SSBP2: variants seen among roughly 807,000 people sequenced by gnomAD.
SSBP2 encodes the protein single stranded DNA binding protein 2.
In SSBP2, 17 loss-of-function variants were observed where a neutral mutation model predicts 61.8. The observed-to-expected ratio is 0.28, with a 90% CI of 0.19 to 0.41. The LOEUF (loss-of-function observed/expected upper bound fraction) is 0.41. SSBP2 is among the 10% of genes least tolerant of loss of function. SSBP2 has a pLI of 1.00. For synonymous variants in SSBP2, 139 were observed against 141.3 expected (o/e 0.98, Z 0.12); for missense variants, 310 against 458.7 (o/e 0.68, Z 2.96).
chr5:81,513,854 A>T, intron 4 of SSBP2, 137 bp from the exon 5 acceptor site: 1 of 563,370 alleles, frequency 1.8e-6, no homozygotes, highest in Non-Finnish European at 3.2e-6. Context: ...CCATCCTAGA[A>T]GTAAACTGAG....
chr5:81,607,614 T>C (rs182460691), intron 4 of SSBP2, among the ~76,000 whole-genome samples: 1 of 152,194 alleles, frequency 6.6e-6, no homozygotes, highest in East Asian at 1.9e-4. Flanking sequence ...AATCTAAGTT[T>C]CCAAAACTTC....
intron 4 of SSBP2, among the ~76,000 whole-genome samples, chr5:81,582,888 T>G (rs1774767944): frequency 1.3e-5 from 2 of 152,088 alleles, no homozygotes; most frequent in Admixed American, 1.3e-4. Flanking sequence ...CAACCGCACC[T>G]GGCCTTACTG....
intron 10 of SSBP2, among the ~76,000 whole-genome samples, chr5:81,458,570 A>G (rs974486221): frequency 6.6e-6 from 1 of 152,222 alleles, no homozygotes; most frequent in African/African-American, 2.4e-5. Context: ...AAAATAGTAA[A>G]CAAAACATAT....
rs563864732 is a variant in SSBP2 at position 81,444,380 on chromosome 5, C to T, written c.779-1657G>A. On this transcript the variant is annotated intron_variant, in intron 12 of 16. Transcript: ENST00000320672. ...ATTCTACTCACTATCGAAGGGCTAT[C>T]TCAAATGTTATGTCTTCCATGAGGT... 2.0e-5 allele frequency among the ~76,000 whole-genome samples: 3 copies of T among 152,316 alleles called. No individual in the cohort carries two copies. In the East Asian group the frequency reaches 5.8e-4, roughly 29 times the overall value.
chr5:81,464,758 G>A lies in SSBP2; in HGVS notation c.638+2216C>T, dbSNP rs1369149836. 2.6e-5 allele frequency among the ~76,000 whole-genome samples: 4 copies of A among 152,090 alleles called. No homozygotes were observed. The South Asian group carries it at 6.2e-4, about 24-fold the overall frequency. On this transcript the variant is annotated intron_variant, in intron 9 of 16. Transcript: ENST00000320672. ...TAGTTTAGTTAGTTCAAGACAGAGC[G>A]TAAGGTAACACCTTTCTAATGCCTT... is the stretch of plus-strand genomic sequence containing the variant.
intron 15 of SSBP2, among the ~76,000 whole-genome samples, chr5:81,435,160 A>C (rs1762595225): frequency 6.6e-6 from 1 of 152,176 alleles, no homozygotes. Context: ...GACTAGGGGG[A>C]TAAATCTTAT....
intron 15 of SSBP2, among the ~76,000 whole-genome samples, chr5:81,436,619 T>G (rs1314989911): frequency 6.6e-6 from 1 of 152,136 alleles, no homozygotes; most frequent in African/African-American, 2.4e-5. Context: ...AAATTAGAAA[T>G]AGAATTTCAA....
intron 1 of SSBP2, among the ~76,000 whole-genome samples, chr5:81,739,246 TC>T (rs1439565272): frequency 6.6e-6 from 1 of 151,796 alleles, no homozygotes; most frequent in Non-Finnish European, 1.5e-5. Flanking sequence ...TTGAAATAGT[TC>T]GTATTTAATC....
intron 4 of SSBP2, among the ~76,000 whole-genome samples, chr5:81,571,009 A>G (rs1773796820): frequency 6.6e-6 from 1 of 152,234 alleles, no homozygotes; most frequent in South Asian, 2.1e-4. Flanking sequence ...CATGGCAAAT[A>G]AGTTCATTAT....
chr5:81,604,828 A>C (rs1176838441), intron 4 of SSBP2, among the ~76,000 whole-genome samples: 1 of 152,136 alleles, frequency 6.6e-6, no homozygotes, highest in Non-Finnish European at 1.5e-5. Flanking sequence ...TACAAAACAA[A>C]ATCTTAATTT....
intron 5 of SSBP2, among the ~76,000 whole-genome samples, chr5:81,505,495 G>T (rs1325829111): frequency 3.3e-5 from 5 of 152,040 alleles, no homozygotes; most frequent in African/African-American, 1.2e-4. Flanking sequence ...AAAGAATGTG[G>T]AGCATTTTTG....
intron 1 of SSBP2, among the ~76,000 whole-genome samples, chr5:81,729,147 A>G (rs1756090288): frequency 6.6e-6 from 1 of 152,148 alleles, no homozygotes; most frequent in Non-Finnish European, 1.5e-5. Flanking sequence ...AATAAAAATT[A>G]TAATGTTAAT....
intron 4 of SSBP2, among the ~76,000 whole-genome samples, chr5:81,613,641 T>C (rs546802808): frequency 6.6e-6 from 1 of 152,236 alleles, no homozygotes; most frequent in Non-Finnish European, 1.5e-5. Context: ...GGCTATCAAA[T>C]ATTGTATCTC....
At chr5:81,565,542 T>C (rs1292606538) in intron 4 of SSBP2, among the ~76,000 whole-genome samples, 1 of 152,130 alleles carries the variant, frequency 6.6e-6, no homozygotes, top group Non-Finnish European at 1.5e-5. Flanking sequence ...TATACTATAG[T>C]AATATAAATC....
chr5:81,490,026 T>G (rs1374309052), intron 5 of SSBP2, among the ~76,000 whole-genome samples: 7 of 150,934 alleles, frequency 4.6e-5, no homozygotes, highest in Non-Finnish European at 8.8e-5. Flanking sequence ...AACATTTCAT[T>G]TCTTAAAAAA....
Position 81,417,535 on chromosome 5 carries a change from A to C in SSBP2, c.*2969T>G, listed in dbSNP as rs1353566108. The C allele has an allele frequency of 6.6e-6, 1 of 152,240 alleles. No homozygotes were observed. Among genetic ancestry groups the C allele is most frequent in the Non-Finnish European group, 1.5e-5 (1 of 68,038 alleles). The allele number at this position is 152,240 out of a possible 1,614,324, so 9.4% of individuals were successfully genotyped here. A position where few individuals can be genotyped will look rare whatever the true frequency, so the allele number is the denominator to read the frequency against. ...CTGTGAGATGACGTGTAAAAATAAC[A>C]CTAGGAACAGGTAGTATACATCAAG... On this transcript the variant is annotated 3_prime_UTR_variant, in exon 17 of 17. Transcript: ENST00000320672.
chr5:81,578,994 C>T (rs764760824), intron 4 of SSBP2, among the ~76,000 whole-genome samples: 17 of 151,916 alleles, frequency 1.1e-4, no homozygotes, highest in Non-Finnish European at 2.2e-4. Context: ...ATCTGGATTT[C>T]TTCCTGAAAG....
intron 4 of SSBP2, chr5:81,615,235 T>C: frequency 2.8e-6 from 1 of 362,664 alleles, no homozygotes; most frequent in Non-Finnish European, 4.9e-6. Flanking sequence ...TGCTTAAAGA[T>C]AAGAAATTTC....
At chr5:81,706,278 C>T (rs1183912698) in intron 1 of SSBP2, among the ~76,000 whole-genome samples, 1 of 152,074 alleles carries the variant, frequency 6.6e-6, no homozygotes, top group East Asian at 1.9e-4. Flanking sequence ...GGGAGCTAAA[C>T]ACTGGGTACT....
Sources: allele counts gnomAD v4.1 joint callset (sites outside exome capture counted in the v4.1 genomes callset), GRCh38; gene constraint gnomAD v4.1.1; transcripts MANE v1.5; gene names NCBI Gene and HGNC (gene_info 2026-07-23, HGNC 2026-07-21).